Variants in DLGAP2 observed in about 807,000 individuals in gnomAD.
DLGAP2 encodes the protein DLG associated protein 2.
A neutral mutation model predicts 100.3 loss-of-function variants in DLGAP2; 26 were observed. That is an observed-to-expected ratio of 0.26 (90% CI 0.19 to 0.36). DLGAP2 has a LOEUF of 0.36. Ranked by LOEUF, DLGAP2 falls within the 10% of genes least tolerant of loss-of-function variation. The pLI is 1.00. For synonymous variants in DLGAP2, 886 were observed against 630.1 expected (o/e 1.41, Z -6.08); for missense variants, 1,858 against 1,453.2 (o/e 1.28, Z -4.53).
intron 5 of DLGAP2, among the ~76,000 whole-genome samples, chr8:1,561,085 A>T (rs1802142011): frequency 6.6e-6 from 1 of 152,078 alleles, no homozygotes; most frequent in Non-Finnish European, 1.5e-5. Flanking sequence ...CATGATGGTG[A>T]CTAAGTCTTA....
At chr8:1,385,487 T>G (rs1585322775) in intron 3 of DLGAP2, among the ~76,000 whole-genome samples, 1 of 19,462 alleles carries the variant, frequency 5.1e-5, no homozygotes. Context: ...GAGAACTTGG[T>G]GCACAATTAC....
chr8:860,068 A>T (rs1797360436), intron 1 of DLGAP2, among the ~76,000 whole-genome samples: 1 of 152,198 alleles, frequency 6.6e-6, no homozygotes, highest in Non-Finnish European at 1.5e-5. Context: ...TTAGGTTTAG[A>T]TTGTTGTTTC....
chr8:1,574,956 T>C (rs1037881619), intron 6 of DLGAP2, among the ~76,000 whole-genome samples: 1 of 152,232 alleles, frequency 6.6e-6, no homozygotes, highest in Non-Finnish European at 1.5e-5. Flanking sequence ...TTGTGCTTCC[T>C]GCTAGTGACT....
At chr8:1,530,264 G>C (rs889573805) in intron 4 of DLGAP2, among the ~76,000 whole-genome samples, 1 of 152,058 alleles carries the variant, frequency 6.6e-6, no homozygotes, top group Non-Finnish European at 1.5e-5. Context: ...CTCCAGGCAC[G>C]TATTCTCTTT....
intron 3 of DLGAP2, among the ~76,000 whole-genome samples, chr8:1,481,735 C>G (rs1482909679): frequency 6.6e-6 from 1 of 152,068 alleles, no homozygotes; most frequent in Admixed American, 6.6e-5. Flanking sequence ...GCCTCAGCCT[C>G]CCAAAGTTCT....
At chr8:1,227,228 T>G in intron 2 of DLGAP2, among the ~76,000 whole-genome samples, 1 of 142,466 alleles carries the variant, frequency 7.0e-6, no homozygotes, top group African/African-American at 2.8e-5. Context: ...TATATTTGTT[T>G]TATACACACA....
chr8:1,518,436 C>G (rs1404797014), intron 4 of DLGAP2, among the ~76,000 whole-genome samples: 1 of 152,162 alleles, frequency 6.6e-6, no homozygotes, highest in Admixed American at 6.5e-5. Context: ...AAGCAAGTCA[C>G]TTCATGTATG....
intron 2 of DLGAP2, among the ~76,000 whole-genome samples, chr8:1,075,800 C>T (rs1275916899): frequency 1.3e-5 from 2 of 151,994 alleles, no homozygotes; most frequent in Non-Finnish European, 2.9e-5. Flanking sequence ...GGTGTCCCAA[C>T]TCAGGCCTGT....
At chr8:1,481,997 C>G (rs1043710670) in intron 3 of DLGAP2, among the ~76,000 whole-genome samples, 3 of 152,218 alleles carry the variant, frequency 2.0e-5, no homozygotes, top group African/African-American at 7.2e-5. Context: ...TCTCAGCCCT[C>G]CTGTGGAACC....
chr8:944,870 G>A (rs921192626), intron 2 of DLGAP2, among the ~76,000 whole-genome samples: 2 of 151,974 alleles, frequency 1.3e-5, no homozygotes, highest in Admixed American at 1.3e-4. Context: ...ACTTTGTGCA[G>A]GTGATCCAGT....
intron 1 of DLGAP2, among the ~76,000 whole-genome samples, chr8:889,972 A>G (rs1272869379): frequency 6.6e-6 from 1 of 151,226 alleles, no homozygotes; most frequent in Non-Finnish European, 1.5e-5. Flanking sequence ...TAGTGTGCTC[A>G]CTCACCGCCT....
At chr8:1,235,564 TCTCTC>T (rs1798634219) in intron 2 of DLGAP2, among the ~76,000 whole-genome samples, 1 of 136,818 alleles carries the variant, frequency 7.3e-6, no homozygotes, top group African/African-American at 3.2e-5. Context: ...CATGTCTAGT[TCTCTC>T]ACATGGCACC....
intron 2 of DLGAP2, among the ~76,000 whole-genome samples, chr8:1,229,213 A>G (rs1354797046): frequency 1.3e-5 from 2 of 152,044 alleles, no homozygotes; most frequent in African/African-American, 4.8e-5. Flanking sequence ...AAAATTAAAG[A>G]AGGTTTTAGT....
intron 1 of DLGAP2, among the ~76,000 whole-genome samples, chr8:780,952 G>C (rs1821668002): frequency 6.6e-6 from 1 of 152,186 alleles, no homozygotes; most frequent in African/African-American, 2.4e-5. Flanking sequence ...CTAGGGTTTT[G>C]TGCAAGGGAA....
At chr8:1,039,746 G>C (rs2129029971) in intron 2 of DLGAP2, among the ~76,000 whole-genome samples, 1 of 138,416 alleles carries the variant, frequency 7.2e-6, no homozygotes, top group Admixed American at 7.3e-5. Flanking sequence ...GGTCAGCTCG[G>C]TTTCTGTAGT....
At chr8:882,692 A>T (rs1584858754) in intron 1 of DLGAP2, among the ~76,000 whole-genome samples, 1 of 108,974 alleles carries the variant, frequency 9.2e-6, no homozygotes, top group East Asian at 3.1e-4. Context: ...CCCTCGCCTG[A>T]TCCAGCGGTA....
At chr8:970,745 A>G (rs1037553119) in intron 2 of DLGAP2, among the ~76,000 whole-genome samples, 61 of 152,328 alleles carry the variant, frequency 4.0e-4, no homozygotes, top group African/African-American at 1.4e-3. Context: ...GCCTTAATCA[A>G]CTAAATGGGT....
intron 2 of DLGAP2, among the ~76,000 whole-genome samples, chr8:916,920 C>T (rs1416487478): frequency 6.6e-6 from 1 of 152,200 alleles, no homozygotes; most frequent in East Asian, 1.9e-4. Flanking sequence ...CGGGAGGGCA[C>T]ACCCAGGGCT....
chr8:1,129,901 G>A (rs1410721120), intron 2 of DLGAP2, among the ~76,000 whole-genome samples: 1 of 152,196 alleles, frequency 6.6e-6, no homozygotes, highest in African/African-American at 2.4e-5. Flanking sequence ...TCATGGCTGG[G>A]AACGCTGACT....
Sources: allele counts gnomAD v4.1 joint callset (sites outside exome capture counted in the v4.1 genomes callset), GRCh38; gene constraint gnomAD v4.1.1; transcripts MANE v1.5; gene names NCBI Gene and HGNC (gene_info 2026-07-23, HGNC 2026-07-21).